The following LPCAT1 variants were observed in gnomAD, a reference collection of about 807,000 sequenced individuals.
LPCAT1 encodes the protein lysophosphatidylcholine acyltransferase 1.
LPCAT1 carries 23 observed loss-of-function variants against 60.9 expected under a neutral mutation model. The ratio of observed to expected loss-of-function variants is 0.38; its 90% CI spans 0.27 to 0.53. The LOEUF is 0.53. Among genes scored for constraint, LPCAT1 ranks in the 20% least tolerant of loss-of-function variants. The pLI is 0.82. For synonymous variants in LPCAT1, 340 were observed against 301.1 expected (o/e 1.13, Z -1.34); for missense variants, 622 against 723.6 (o/e 0.86, Z 1.61).
In LPCAT1 at chr5:1,521,894, T is replaced by C. The variant is rs1736688681; in HGVS notation, c.135+1816A>G. Among the ~76,000 whole-genome samples, 1 of 152,208 alleles carries C rather than the reference T, an allele frequency of 6.6e-6. No homozygotes were observed. Among genetic ancestry groups the C allele is most frequent in the South Asian group, 2.1e-4 (1 of 4,830 alleles). On this transcript the variant is annotated intron_variant, in intron 1 of 13. Coordinates refer to ENST00000283415, the MANE Select transcript of LPCAT1 (RefSeq NM_024830.5). The surrounding 1 kb of genome is among the most constrained non-coding windows in gnomAD (Gnocchi z 4.3). Reference sequence around the variant, plus strand: ...CTGGCAGTGCCCTGACATCTGTACCTACCCATGAGAGTCTCTGCCCTGCTT... The same window carrying C: ...CTGGCAGTGCCCTGACATCTGTACCCACCCATGAGAGTCTCTGCCCTGCTT...
chr5:1,489,944 G>A (rs1735513236), intron 3 of LPCAT1, 86 bp from the exon 4 acceptor site: 7 of 953,768 alleles, frequency 7.3e-6, no homozygotes, highest in South Asian at 3.9e-5. Context: ...GCTGCATGGC[G>A]CCCAGTGGGG....
At chr5:1,507,635 G>A (rs992553460) in intron 1 of LPCAT1, among the ~76,000 whole-genome samples, 4 of 152,198 alleles carry the variant, frequency 2.6e-5, no homozygotes, top group African/African-American at 7.2e-5. Flanking sequence ...GGGCGCGAGC[G>A]CTCACGCCTG....
At chr5:1,500,202 A>C (rs1482890844) in intron 2 of LPCAT1, among the ~76,000 whole-genome samples, 1 of 152,232 alleles carries the variant, frequency 6.6e-6, no homozygotes, top group Non-Finnish European at 1.5e-5. Context: ...GAATGATGAG[A>C]GATGTTAACA....
At chr5:1,468,852 C>T (rs1734550283) in intron 12 of LPCAT1, among the ~76,000 whole-genome samples, 1 of 152,238 alleles carries the variant, frequency 6.6e-6, no homozygotes, top group South Asian at 2.1e-4. Context: ...GTCCCAAGAG[C>T]AGCACGCTGG....
At chr5:1,518,908 G>T (rs149612098) in intron 1 of LPCAT1, among the ~76,000 whole-genome samples, 1 of 152,276 alleles carries the variant, frequency 6.6e-6, no homozygotes, top group Non-Finnish European at 1.5e-5. Flanking sequence ...GTCTGGGAAC[G>T]GAAAGGTGTT....
At chr5:1,497,073 C>T (rs1735820717) in intron 2 of LPCAT1, among the ~76,000 whole-genome samples, 1 of 152,186 alleles carries the variant, frequency 6.6e-6, no homozygotes, top group Admixed American at 6.5e-5. Flanking sequence ...AGAGGACTGA[C>T]CCCAAGGAGA....
intron 2 of LPCAT1, among the ~76,000 whole-genome samples, chr5:1,498,619 T>C (rs896325670): frequency 6.6e-6 from 1 of 151,838 alleles, no homozygotes; most frequent in Non-Finnish European, 1.5e-5. Context: ...TGTACACACG[T>C]ACACTTGCAC....
rs369487657 is a variant in LPCAT1 at position 1,496,309 on chromosome 5, C to T, written c.279-1395G>A. 4.6e-5 allele frequency among the ~76,000 whole-genome samples: 7 copies of T among 151,832 alleles called. No individual in the cohort carries two copies. The highest frequency in any genetic ancestry group is 2.1e-4 in the South Asian group (1 of 4,808). ...CCAAGGGGCGGAGGTTGCAGTGAGC[C>T]GAGATTGCGCCACTGCACTCCAGCC... On this transcript the variant is annotated intron_variant, in intron 2 of 13. Coordinates refer to ENST00000283415, the MANE Select transcript of LPCAT1 (RefSeq NM_024830.5). This position sits in a 1 kb window ranked among gnomAD's most constrained non-coding sequence, Gnocchi z 4.7.
chr5:1,502,973 G>A lies in LPCAT1; in HGVS notation c.136-1370C>T, dbSNP rs1311327075. 6.6e-6 allele frequency among the ~76,000 whole-genome samples: 1 copy of A among 152,120 alleles called. No individual in the cohort carries two copies. Among genetic ancestry groups the A allele is most frequent in the East Asian group, 1.9e-4 (1 of 5,196 alleles). The stretch of plus-strand genomic sequence containing the variant: ...TATATCTGAAATACCATTTCGACAC[G>A]TACTCAACGTAGAAGTTGCTACTGG... On this transcript the variant is annotated intron_variant, in intron 1 of 13. Coordinates refer to ENST00000283415, the MANE Select transcript of LPCAT1 (RefSeq NM_024830.5). The surrounding 1 kb of genome is among the most constrained non-coding windows in gnomAD (Gnocchi z 5.5).
In LPCAT1 at chr5:1,480,902, G is replaced by C. The variant is rs780762412; in HGVS notation, c.761+40C>G. On this transcript the variant is annotated intron_variant, in intron 7 of 13. Coordinates refer to ENST00000283415, the MANE Select transcript of LPCAT1 (RefSeq NM_024830.5). The surrounding 1 kb of genome is among the most constrained non-coding windows in gnomAD (Gnocchi z 6.4). ...CCCAAGCAGCCCCTACGTGTTCATGGAACAACAGGACAAAGAGGACGACAC... is the reference window on the plus strand; with the variant it reads ...CCCAAGCAGCCCCTACGTGTTCATGCAACAACAGGACAAAGAGGACGACAC... The C allele has an allele frequency of 1.2e-6, 2 of 1,612,994 alleles. No homozygotes were observed. Among genetic ancestry groups the C allele is most frequent in the Non-Finnish European group, 1.7e-6 (2 of 1,179,400 alleles).
chr5:1,462,612 A>T lies in LPCAT1; in HGVS notation c.*1039T>A, dbSNP rs2036390. 0.98 allele frequency: 148,760 copies of T among 152,374 alleles called. 72,704 individuals carry two copies. Among genetic ancestry groups the T allele is most frequent in the Non-Finnish European group, 1 (68,010 of 68,068 alleles). 9.4% of individuals were successfully genotyped at this position (152,374 alleles called of 1,614,324 possible). A position where few individuals can be genotyped will look rare whatever the true frequency, so the allele number is the denominator to read the frequency against. The stretch of plus-strand genomic sequence containing the variant: ...GGAAGGTCAGCCATACTCGGGTGGC[A>T]GCGTGACGCCAGTCACCATGGAAAC... On this transcript the variant is annotated 3_prime_UTR_variant, in exon 14 of 14. Coordinates refer to ENST00000283415, the MANE Select transcript of LPCAT1 (RefSeq NM_024830.5).
rs748381368 is a variant in LPCAT1, at chr5:1,466,783, G to A, written c.1386C>T (p.Ala462=). The A allele has an allele frequency of 1.2e-6, 2 of 1,612,564 alleles. No individual in the cohort carries two copies. Among genetic ancestry groups the A allele is most frequent in the Non-Finnish European group, 1.7e-6 (2 of 1,179,106 alleles). Residue 462 remains alanine (A), a synonymous_variant, in exon 13 of 14, where the codon GCC becomes GCT. Coordinates refer to ENST00000283415, the MANE Select transcript of LPCAT1 (RefSeq NM_024830.5). The stretch of plus-strand genomic sequence containing the variant: ...TCTTCCCCTTCTCCTCTTGGTCAAT[G>A]GCTCGGAATAGGTCGGTCACGGTGA... ...AELTVTDLFR[A]IDQEEKGKIT...
chr5:1,485,663 C>G (rs1735342715), intron 5 of LPCAT1, among the ~76,000 whole-genome samples: 1 of 152,326 alleles, frequency 6.6e-6, no homozygotes, highest in Non-Finnish European at 1.5e-5. Context: ...AACAGTCCAC[C>G]ATGGCCCAGG....
In LPCAT1 at chr5:1,489,772, C is replaced by A. The variant is rs765632248; in HGVS notation, c.580G>T (p.Ala194Ser). 3 of 1,613,856 alleles carry A rather than the reference C, an allele frequency of 1.9e-6. No individual in the cohort carries two copies. The highest frequency in any genetic ancestry group is 4.5e-5 in the East Asian group (2 of 44,902). The change falls in exon 4 of 14, where the codon GCG becomes TCG. Residue 194 changes from alanine to serine, a missense_variant. Coordinates refer to ENST00000283415, the MANE Select transcript of LPCAT1 (RefSeq NM_024830.5). Reference sequence around the variant, plus strand: ...TGTGGCCACTTTCCGTTGGACTGCGCCCGTCTCTTGATTTCTTCTACTGTT... The same window carrying A: ...TGTGGCCACTTTCCGTTGGACTGCGACCGTCTCTTGATTTCTTCTACTGTT... ...RKTVEEIKRR[A>S]QSNGKWPQIM...
chr5:1,464,893 A>G (rs2911482), intron 13 of LPCAT1, among the ~76,000 whole-genome samples: 110,282 of 150,532 alleles, frequency 0.73, 40,460 homozygotes, highest in South Asian at 0.83. Flanking sequence ...ACAAGTGCAC[A>G]CACACACTAA....
chr5:1,473,610 C>T (rs1021656459), intron 11 of LPCAT1, among the ~76,000 whole-genome samples: 2 of 152,216 alleles, frequency 1.3e-5, no homozygotes, highest in Non-Finnish European at 2.9e-5. Flanking sequence ...GAAACTCTGA[C>T]GCTGCAAAGA....
At chr5:1,469,283 C>T (rs562049121) in intron 12 of LPCAT1, among the ~76,000 whole-genome samples, 22 of 152,288 alleles carry the variant, frequency 1.4e-4, no homozygotes, top group South Asian at 6.2e-4. Flanking sequence ...AGCAGGGACC[C>T]GGTGCACACT....
chr5:1,481,030 ACCAAGC>A lies in LPCAT1; in HGVS notation c.727-60_727-55del. 1 of 1,056,230 alleles carries A rather than the reference ACCAAGC, an allele frequency of 9.5e-7. No individual in the cohort carries two copies. The highest frequency in any genetic ancestry group is 3.0e-5 in the Admixed American group (1 of 33,594). The allele number at this position is 1,056,230 out of a possible 1,614,324, so 65.4% of individuals were successfully genotyped here. On this transcript the variant is annotated intron_variant, in intron 6 of 13. Coordinates refer to ENST00000283415, the MANE Select transcript of LPCAT1 (RefSeq NM_024830.5). This position sits in a 1 kb window ranked among gnomAD's most constrained non-coding sequence, Gnocchi z 7.8. Reference sequence around the variant, plus strand: ...CATGGGGCCTGCACCCAGGGCCTGCACCAAGCACCTGCGTGTGCCGGCCTCTCCCTG... The same window carrying A: ...CATGGGGCCTGCACCCAGGGCCTGCAACCTGCGTGTGCCGGCCTCTCCCTG...
chr5:1,514,315 C>G (rs1736440435), intron 1 of LPCAT1, among the ~76,000 whole-genome samples: 2 of 152,246 alleles, frequency 1.3e-5, no homozygotes, highest in Admixed American at 1.3e-4. Context: ...GGTCCACATG[C>G]CAGCACTGCA....
Sources: allele counts gnomAD v4.1 joint callset (sites outside exome capture counted in the v4.1 genomes callset), GRCh38; gene constraint gnomAD v4.1.1; non-coding constraint Gnocchi (gnomAD v3.1); transcripts MANE v1.5; gene names NCBI Gene and HGNC (gene_info 2026-07-23, HGNC 2026-07-21).